The following PCDHGA8 variants were observed in gnomAD, a reference collection of about 807,000 sequenced individuals.
The protein encoded by PCDHGA8 is protocadherin gamma-A8.
In PCDHGA8, 45 loss-of-function variants were observed where a neutral mutation model predicts 59.2. The observed-to-expected ratio is 0.76, with a 90% CI of 0.60 to 0.98. PCDHGA8 has a LOEUF of 0.98. Among genes scored for constraint, PCDHGA8 ranks in the 50% least tolerant of loss-of-function variants. The pLI, the probability that PCDHGA8 is intolerant of heterozygous loss-of-function variation, is 0.00. For synonymous variants in PCDHGA8, 531 were observed against 519.0 expected, an observed-to-expected ratio of 1.02 and a Z score of -0.32; for missense variants, 1,257 against 1,196.2, an observed-to-expected ratio of 1.05 and a Z score of -0.75.
chr5:141,455,533 T>C (rs1232689740), intron 1 of PCDHGA8, among the ~76,000 whole-genome samples: 1 of 152,134 alleles, frequency 6.6e-6, no homozygotes, highest in African/African-American at 2.4e-5. Flanking sequence ...TGACCAGGCA[T>C]ATCATTCACG....
chr5:141,487,351 T>A lies in PCDHGA8; in HGVS notation c.2425-7456T>A. 6.2e-7 allele frequency: 1 copy of A among 1,614,210 alleles called. No individual in the cohort carries two copies. The highest frequency in any genetic ancestry group is 8.5e-7 in the Non-Finnish European group (1 of 1,180,038). On this transcript the variant is annotated intron_variant, in intron 1 of 3. Transcript: ENST00000398604. The surrounding 1 kb of genome is among the most constrained non-coding windows in gnomAD (Gnocchi z 5.0). ...GGGCAGCCTGTGGAGTCACATGCTT[T>A]CCTGCTGGCACCTGTGCCTGTCTCA...
rs756833632 is a variant in PCDHGA8, at chr5:141,393,904, CA to C, written c.1092del (p.Val365Ter). Reference sequence around the variant, plus strand: ...GTGTTAGAAAATTCTCTTCCCGGGACAGTAATTGCCTTCTTGAGTGTGCATG... The same window carrying C: ...GTGTTAGAAAATTCTCTTCCCGGGACGTAATTGCCTTCTTGAGTGTGCATG... ...SPVLENSLPG[T>X]VIAFLSVHDQ... On this transcript the variant is annotated frameshift_variant, in exon 1 of 4. Transcript: ENST00000398604. LOFTEE classifies it high-confidence loss of function. The C allele has an allele frequency of 1.9e-6, 3 of 1,613,918 alleles. No individual in the cohort carries two copies. In the East Asian group the frequency reaches 6.7e-5, roughly 36 times the overall value.
chr5:141,449,528 G>C (rs1298713821), intron 1 of PCDHGA8, among the ~76,000 whole-genome samples: 1 of 149,040 alleles, frequency 6.7e-6, no homozygotes, highest in African/African-American at 2.5e-5. Context: ...GGCGGAGGTT[G>C]CAGTGAGCCG....
intron 1 of PCDHGA8, among the ~76,000 whole-genome samples, chr5:141,448,604 A>G (rs954578256): frequency 1.3e-5 from 2 of 152,118 alleles, no homozygotes; most frequent in Non-Finnish European, 2.9e-5. Flanking sequence ...AATACTATAC[A>G]CCACTTTATA....
intron 1 of PCDHGA8, chr5:141,404,463 A>C: frequency 6.2e-7 from 1 of 1,612,548 alleles, no homozygotes. Flanking sequence ...CTCTCCACCT[A>C]TGTCTCTATT....
intron 1 of PCDHGA8, chr5:141,416,195 CAATT>C (rs1181982521): frequency 6.6e-6 from 1 of 152,322 alleles, no homozygotes; most frequent in African/African-American, 2.4e-5. Flanking sequence ...ATTGAATTAA[CAATT>C]TATTTATAAC....
intron 1 of PCDHGA8, among the ~76,000 whole-genome samples, chr5:141,461,001 A>C (rs1309762345): frequency 6.7e-6 from 1 of 150,320 alleles, no homozygotes; most frequent in Admixed American, 6.7e-5. Context: ...ATATATGTGT[A>C]TATATATATA....
intron 1 of PCDHGA8, chr5:141,428,826 A>G (rs190740602): frequency 1.3e-5 from 2 of 149,304 alleles, no homozygotes; most frequent in South Asian, 2.1e-4. Context: ...GCTTTCATGT[A>G]TTTTTGAAAC....
Position 141,431,854 on chromosome 5 carries a change from A to G in PCDHGA8, c.2424+36617A>G. On this transcript the variant is annotated intron_variant, in intron 1 of 3. Coordinates refer to ENST00000398604, the MANE Select transcript of PCDHGA8 (RefSeq NM_032088.2). The surrounding 1 kb of genome is among the most constrained non-coding windows in gnomAD (Gnocchi z 4.8). Reference sequence around the variant, plus strand: ...CCGAAAACTCTCCCAGAGGGACATTAATTGCCCTTTTAAATGTAAATGACC... The same window carrying G: ...CCGAAAACTCTCCCAGAGGGACATTGATTGCCCTTTTAAATGTAAATGACC... The G allele has an allele frequency of 6.2e-7, 1 of 1,614,230 alleles. No individual in the cohort carries two copies. The highest frequency in any genetic ancestry group is 1.3e-5 in the African/African-American group (1 of 75,070).
intron 1 of PCDHGA8, chr5:141,424,602 T>G (rs2154550827): frequency 6.6e-6 from 1 of 152,334 alleles, no homozygotes; most frequent in African/African-American, 2.4e-5. Flanking sequence ...GTCTACAGAT[T>G]TATTCAAATA....
At chr5:141,465,826 T>A (rs1402342209) in intron 1 of PCDHGA8, among the ~76,000 whole-genome samples, 1 of 151,994 alleles carries the variant, frequency 6.6e-6, no homozygotes, top group Non-Finnish European at 1.5e-5. Context: ...CACATTTGTT[T>A]AAAATTTCAA....
At chr5:141,444,129 T>C (rs897901109) in intron 1 of PCDHGA8, among the ~76,000 whole-genome samples, 3 of 147,096 alleles carry the variant, frequency 2.0e-5, no homozygotes, top group African/African-American at 5.0e-5. Context: ...TCTCAACAGA[T>C]ATGTGTCACT....
intron 1 of PCDHGA8, chr5:141,422,727 G>T (rs373180311): frequency 6.3e-5 from 102 of 1,606,434 alleles, no homozygotes; most frequent in Non-Finnish European, 2.0e-5. Context: ...TCCAGGGGGT[G>T]CCTCTGTCCT....
intron 1 of PCDHGA8, chr5:141,427,514 G>A (rs1193674497): frequency 1.7e-6 from 1 of 595,712 alleles, no homozygotes; most frequent in Non-Finnish European, 3.2e-6. Context: ...CCCTGGATTG[G>A]GAGCGGATCC....
At chr5:141,446,595 GCCTCC>G (rs2098508132) in intron 1 of PCDHGA8, among the ~76,000 whole-genome samples, 2 of 152,012 alleles carry the variant, frequency 1.3e-5, no homozygotes, top group South Asian at 4.1e-4. Context: ...TTCTGCCTCA[GCCTCC>G]TGAGTAGCTG....
intron 1 of PCDHGA8, chr5:141,423,517 T>G (rs750915364): frequency 1.9e-6 from 3 of 1,613,716 alleles, no homozygotes; most frequent in Non-Finnish European, 2.5e-6. Flanking sequence ...CATTGCGGAC[T>G]CGCAGAAGAG....
chr5:141,457,504 A>G (rs2098922754), intron 1 of PCDHGA8, among the ~76,000 whole-genome samples: 1 of 152,222 alleles, frequency 6.6e-6, no homozygotes, highest in Non-Finnish European at 1.5e-5. Context: ...GTAGGCAAAA[A>G]GCTTAAAAAC....
At chr5:141,415,135 G>A (rs1224251849) in intron 1 of PCDHGA8, 7 of 1,613,666 alleles carry the variant, frequency 4.3e-6, no homozygotes, top group East Asian at 2.2e-5. Flanking sequence ...CCAGGACCAC[G>A]GCCAGCCCCC....
chr5:141,480,457 G>GT (rs1309116577), intron 1 of PCDHGA8, among the ~76,000 whole-genome samples: 4 of 152,060 alleles, frequency 2.6e-5, no homozygotes, highest in Non-Finnish European at 5.9e-5. Flanking sequence ...ATTTTTATTA[G>GT]TTCCTCACTC....
Sources: gnomAD v4.1 joint callset for allele counts (sites outside exome capture counted in the v4.1 genomes callset) on GRCh38, gnomAD v4.1.1 for gene constraint, Gnocchi (gnomAD v3.1) non-coding constraint, MANE v1.5 for transcripts, NCBI Gene and HGNC (gene_info 2026-07-23, HGNC 2026-07-21) for gene names.